Variants in GLIS3 observed in about 807,000 individuals in gnomAD.
GLIS3 encodes zinc finger protein GLIS3.
In GLIS3, 53 loss-of-function variants were observed where a neutral mutation model predicts 78.6. The ratio of observed to expected loss-of-function variants is 0.67; its 90% CI spans 0.54 to 0.85. The LOEUF is 0.85. Among genes scored for constraint, GLIS3 ranks in the 40% least tolerant of loss-of-function variants. GLIS3 has a pLI of 0.00. For missense variants in GLIS3, 1,703 were observed against 1,231.1 expected, an observed-to-expected ratio of 1.38 and a Z score of -5.74; for synonymous variants, 684 against 509.9, an observed-to-expected ratio of 1.34 and a Z score of -4.60.
At chr9:3,847,684 C>A (rs866627174) in intron 9 of GLIS3, among the ~76,000 whole-genome samples, 8 of 152,222 alleles carry the variant, frequency 5.3e-5, no homozygotes, top group African/African-American at 1.9e-4. Context: ...CACACCCCTT[C>A]CACAAAACTC....
At chr9:4,134,838 T>G (rs556841206) in intron 2 of GLIS3, among the ~76,000 whole-genome samples, 1 of 152,316 alleles carries the variant, frequency 6.6e-6, no homozygotes, top group Non-Finnish European at 1.5e-5. Flanking sequence ...CTTGTTTTCC[T>G]TTGGGGACTA....
chr9:4,138,404 A>C (rs1367925646), intron 2 of GLIS3, among the ~76,000 whole-genome samples: 2 of 152,282 alleles, frequency 1.3e-5, no homozygotes, highest in Admixed American at 6.5e-5. Context: ...GCAAACACCT[A>C]ATCTTAAATT....
At chr9:4,256,866 A>C (rs574205653) in intron 2 of GLIS3, among the ~76,000 whole-genome samples, 1 of 152,324 alleles carries the variant, frequency 6.6e-6, no homozygotes, top group African/African-American at 2.4e-5. Flanking sequence ...AAGGAAAGGA[A>C]ATCACTGTCT....
At chr9:4,234,686 A>T (rs1822556589) in intron 2 of GLIS3, among the ~76,000 whole-genome samples, 1 of 152,234 alleles carries the variant, frequency 6.6e-6, no homozygotes, top group Non-Finnish European at 1.5e-5. Context: ...CACTTACTCG[A>T]TGCAGGTTTG....
At chr9:4,367,171 CATT>C in the GLIS3 span, among the ~76,000 whole-genome samples, 1 of 152,218 alleles carries the variant, frequency 6.6e-6, no homozygotes, top group African/African-American at 2.4e-5. Context: ...CTTCCTAAAT[CATT>C]ATCATGGCTT....
intron 2 of GLIS3, among the ~76,000 whole-genome samples, chr9:4,211,457 G>C (rs1820365158): frequency 6.6e-6 from 1 of 152,186 alleles, no homozygotes; most frequent in African/African-American, 2.4e-5. Context: ...TTTTCTGTAA[G>C]GAAAGAGACA....
chr9:4,012,482 T>C (rs1822098023), intron 4 of GLIS3, among the ~76,000 whole-genome samples: 1 of 152,218 alleles, frequency 6.6e-6, no homozygotes, highest in African/African-American at 2.4e-5. Context: ...CATTTCTAAC[T>C]TCCTTCCAAT....
the GLIS3 span, among the ~76,000 whole-genome samples, chr9:4,397,067 C>T: frequency 7.1e-6 from 1 of 141,802 alleles, no homozygotes; most frequent in Non-Finnish European, 1.5e-5. Context: ...GCTCTGTCTC[C>T]CAGGCTGGAG....
At chr9:4,051,891 G>T (rs1825769880) in intron 4 of GLIS3, among the ~76,000 whole-genome samples, 2 of 152,160 alleles carry the variant, frequency 1.3e-5, no homozygotes, top group Non-Finnish European at 1.5e-5. Flanking sequence ...ACAGTGGAAG[G>T]TACTAACGTT....
intron 2 of GLIS3, among the ~76,000 whole-genome samples, chr9:4,331,553 T>C (rs534648986): frequency 6.6e-6 from 1 of 152,182 alleles, no homozygotes; most frequent in Non-Finnish European, 1.5e-5. Context: ...GAAGTTGCAG[T>C]TCTTGACAAC....
chr9:3,933,482 T>C (rs1165750158), intron 5 of GLIS3, among the ~76,000 whole-genome samples: 3 of 152,210 alleles, frequency 2.0e-5, no homozygotes, highest in Non-Finnish European at 2.9e-5. Context: ...GACTCTTCAG[T>C]TGTGAGATAA....
intron 2 of GLIS3, among the ~76,000 whole-genome samples, chr9:4,196,881 G>C (rs1289374759): frequency 6.6e-6 from 1 of 152,154 alleles, no homozygotes; most frequent in African/African-American, 2.4e-5. Context: ...ATGTGTCCTT[G>C]CTGAGTGCCC....
chr9:4,428,877 A>C, the GLIS3 span, among the ~76,000 whole-genome samples: 1 of 152,124 alleles, frequency 6.6e-6, no homozygotes, highest in African/African-American at 2.4e-5. Flanking sequence ...AAATGGCACC[A>C]CTTCCCATTA....
In GLIS3 at chr9:3,827,900, C is replaced by G. The variant is rs759918471; in HGVS notation, c.*372G>C. On this transcript the variant is annotated 3_prime_UTR_variant, in exon 11 of 11. Coordinates refer to ENST00000381971, the MANE Select transcript of GLIS3 (RefSeq NM_001042413.2). ...CCTCTCGTAATTGAGGTCTTTTTCC[C>G]TGTTTGGAGTTTTCAGGTAGAGTCA... 9 of 321,808 alleles carry G rather than the reference C, an allele frequency of 2.8e-5. 1 individual carries two copies. Among genetic ancestry groups the G allele is most frequent in the South Asian group, 2.0e-4 (7 of 35,850 alleles). 19.9% of individuals were successfully genotyped at this position (321,808 alleles called of 1,614,324 possible). A position where few individuals can be genotyped will look rare whatever the true frequency, so the allele number is the denominator to read the frequency against.
rs369977938 is a variant in GLIS3, at chr9:3,937,040, C to T, written c.1860G>A (p.Thr620=). ...CTGCCATTCTTACGGTGTCCAGATGCGTCCGCTGGTGTTTGGCGCGGTCAC... is the reference window on the plus strand; with the variant it reads ...CTGCCATTCTTACGGTGTCCAGATGTGTCCGCTGGTGTTTGGCGCGGTCAC... ...NSSDRAKHQR[T]HLDTKPYACQ... The change falls in exon 5 of 11, where the codon ACG becomes ACA. Residue 620 remains threonine, a synonymous_variant. Transcript: ENST00000381971. 3.3e-5 allele frequency: 54 copies of T among 1,612,716 alleles called. No homozygotes were observed. Among genetic ancestry groups the T allele is most frequent in the South Asian group, 8.8e-5 (8 of 91,016 alleles).
chr9:3,957,980 G>A (rs1380925931), intron 4 of GLIS3, among the ~76,000 whole-genome samples: 4 of 152,292 alleles, frequency 2.6e-5, no homozygotes, highest in African/African-American at 4.8e-5. Flanking sequence ...AGGGAATTCC[G>A]TGGCAGCAAA....
chr9:4,454,543 T>A, the GLIS3 span, among the ~76,000 whole-genome samples: 3 of 152,340 alleles, frequency 2.0e-5, no homozygotes, highest in African/African-American at 7.2e-5. Context: ...CAACACATTA[T>A]GATAGTATGC....
At chr9:4,332,596 C>G (rs75299296) in intron 2 of GLIS3, among the ~76,000 whole-genome samples, 1 of 152,216 alleles carries the variant, frequency 6.6e-6, no homozygotes, top group South Asian at 2.1e-4. Context: ...ACCAGCCCAC[C>G]TGGGGCTCTG....
intron 4 of GLIS3, among the ~76,000 whole-genome samples, chr9:4,111,872 A>G (rs1005309410): frequency 3.3e-5 from 5 of 152,242 alleles, no homozygotes; most frequent in African/African-American, 9.6e-5. Flanking sequence ...CAGCCTCAAG[A>G]GACAAAGAGG....
Sources: allele counts gnomAD v4.1 joint callset (sites outside exome capture counted in the v4.1 genomes callset), GRCh38; gene constraint gnomAD v4.1.1; transcripts MANE v1.5; gene names NCBI Gene and HGNC (gene_info 2026-07-23, HGNC 2026-07-21).